The following SLIT1 variants were observed in gnomAD, a reference collection of about 807,000 sequenced individuals.
The protein encoded by SLIT1 is slit homolog 1 protein.
In SLIT1, 66 loss-of-function variants were observed where a neutral mutation model predicts 186.1. The observed-to-expected ratio is 0.35, with a 90% CI of 0.29 to 0.44. The LOEUF (loss-of-function observed/expected upper bound fraction) is 0.44. Ranked by LOEUF, SLIT1 falls within the 20% of genes least tolerant of loss-of-function variation. The pLI, the probability that SLIT1 is intolerant of heterozygous loss-of-function variation, is 1.00. For missense variants in SLIT1, 1,638 were observed against 2,037.4 expected, an observed-to-expected ratio of 0.80 and a Z score of 3.77; for synonymous variants, 761 against 833.8, an observed-to-expected ratio of 0.91 and a Z score of 1.50.
intron 30 of SLIT1, among the ~76,000 whole-genome samples, chr10:97,012,819 TC>T (rs1228899220): frequency 1.3e-5 from 2 of 151,996 alleles, no homozygotes; most frequent in African/African-American, 4.8e-5. Flanking sequence ...TCCATCTGAG[TC>T]CCTAGGCTTG....
intron 4 of SLIT1, among the ~76,000 whole-genome samples, chr10:97,080,939 G>A (rs913171077): frequency 2.6e-5 from 4 of 152,336 alleles, no homozygotes; most frequent in African/African-American, 4.8e-5. Context: ...AGGAGAAGTC[G>A]TTCTGCAGGG....
chr10:97,092,081 A>G (rs1421637122), intron 4 of SLIT1, among the ~76,000 whole-genome samples: 1 of 152,262 alleles, frequency 6.6e-6, no homozygotes, highest in Non-Finnish European at 1.5e-5. Flanking sequence ...ACTAGCACGC[A>G]GTGACATTTG....
chr10:97,107,107 C>T (rs1156600853), intron 4 of SLIT1, among the ~76,000 whole-genome samples: 1 of 152,186 alleles, frequency 6.6e-6, no homozygotes, highest in Non-Finnish European at 1.5e-5. Context: ...AGGGCACAGG[C>T]CCAAAGCCAG....
intron 23 of SLIT1, among the ~76,000 whole-genome samples, chr10:97,033,880 T>TC (rs1244975404): frequency 6.9e-6 from 1 of 144,940 alleles, no homozygotes; most frequent in Non-Finnish European, 1.5e-5. Context: ...TTTTTTTTTT[T>TC]CTGAGACAGA....
At chr10:97,116,254 G>C (rs2134683578) in intron 4 of SLIT1, among the ~76,000 whole-genome samples, 1 of 152,214 alleles carries the variant, frequency 6.6e-6, no homozygotes, top group East Asian at 1.9e-4. Context: ...AGAAAGAGAA[G>C]GAAGAGAGAG....
At chr10:97,105,563 A>C (rs1459633545) in intron 4 of SLIT1, among the ~76,000 whole-genome samples, 3 of 152,188 alleles carry the variant, frequency 2.0e-5, no homozygotes, top group African/African-American at 7.2e-5. Flanking sequence ...TTTACAGAAA[A>C]CATATTAAAG....
At chr10:97,180,101 AG>A (rs1368565982) in intron 1 of SLIT1, among the ~76,000 whole-genome samples, 2 of 152,124 alleles carry the variant, frequency 1.3e-5, no homozygotes, top group Non-Finnish European at 2.9e-5. Context: ...AGGGGCACCG[AG>A]GAAGATCAGC....
intron 4 of SLIT1, among the ~76,000 whole-genome samples, chr10:97,156,252 C>T (rs1849950721): frequency 6.6e-6 from 1 of 152,168 alleles, no homozygotes; most frequent in South Asian, 2.1e-4. Context: ...AAAGACCATT[C>T]CAACAGACTG....
chr10:97,062,648 G>A, intron 8 of SLIT1, among the ~76,000 whole-genome samples: 1 of 152,244 alleles, frequency 6.6e-6, no homozygotes, highest in Admixed American at 6.5e-5. Flanking sequence ...CAGCCTGTGA[G>A]GCCAGGGCTG....
At chr10:97,030,551 T>C (rs1848581886) in intron 25 of SLIT1, among the ~76,000 whole-genome samples, 1 of 152,222 alleles carries the variant, frequency 6.6e-6, no homozygotes. Flanking sequence ...CACTACCGCT[T>C]GCGAGGAACT....
intron 4 of SLIT1, among the ~76,000 whole-genome samples, chr10:97,105,852 C>T (rs1849408980): frequency 6.6e-6 from 1 of 152,188 alleles, no homozygotes; most frequent in African/African-American, 2.4e-5. Flanking sequence ...ATTGACCAGC[C>T]AGAAAGACAA....
intron 10 of SLIT1, 129 bp downstream of exon 10, chr10:97,059,958 G>A: frequency 2.5e-6 from 2 of 793,780 alleles, no homozygotes; most frequent in Non-Finnish European, 4.5e-6. Context: ...AGGGCAGGAA[G>A]GTCAGGTGGC....
chr10:97,058,230 G>A (rs1401505992), intron 11 of SLIT1: 8 of 619,532 alleles, frequency 1.3e-5, no homozygotes, highest in Non-Finnish European at 2.4e-5. Context: ...GGGAAATGGA[G>A]CAGAGGGGGC....
chr10:97,151,174 T>C (rs867723845), intron 4 of SLIT1, among the ~76,000 whole-genome samples: 2 of 152,056 alleles, frequency 1.3e-5, no homozygotes, highest in Non-Finnish European at 2.9e-5. Context: ...ACTCCAAGGG[T>C]TCACAGTACC....
At chr10:97,014,306 C>T (rs1187394626) in intron 28 of SLIT1, 148 bp from the exon 29 acceptor site, 4 of 782,074 alleles carry the variant, frequency 5.1e-6, no homozygotes, top group Non-Finnish European at 8.3e-6. Flanking sequence ...TTAGAGGTGA[C>T]CAAGACTGAC....
intron 4 of SLIT1, among the ~76,000 whole-genome samples, chr10:97,145,188 C>T (rs1250565930): frequency 6.6e-6 from 1 of 152,032 alleles, no homozygotes; most frequent in Non-Finnish European, 1.5e-5. Context: ...GTCACCCAGG[C>T]TGGAGTGCAA....
chr10:97,161,650 C>A (rs1472222857), intron 3 of SLIT1, among the ~76,000 whole-genome samples: 1 of 152,088 alleles, frequency 6.6e-6, no homozygotes, highest in Admixed American at 6.6e-5. Flanking sequence ...TGGTGGCTGG[C>A]GCCTGTAATC....
At chr10:97,170,903 C>T (rs1201952594) in intron 1 of SLIT1, among the ~76,000 whole-genome samples, 1 of 152,074 alleles carries the variant, frequency 6.6e-6, no homozygotes, top group Non-Finnish European at 1.5e-5. Context: ...TCCCTGGGCT[C>T]CTCTCGGGCT....
At chr10:97,059,404 C>G (rs375082916) in intron 11 of SLIT1, 56 bp downstream of exon 11, 24 of 1,451,920 alleles carry the variant, frequency 1.7e-5, no homozygotes, top group African/African-American at 1.4e-4. Context: ...TGGGCCCTGC[C>G]AGCCTCCTCA....
Sources: allele counts gnomAD v4.1 joint callset (sites outside exome capture counted in the v4.1 genomes callset), GRCh38; gene constraint gnomAD v4.1.1; transcripts MANE v1.5; gene names NCBI Gene and HGNC (gene_info 2026-07-23, HGNC 2026-07-21).